NPAS3: variants seen among roughly 807,000 people sequenced by gnomAD.
NPAS3 encodes neuronal PAS domain-containing protein 3.
Under a neutral mutation model 73.1 loss-of-function variants are expected in NPAS3, and 14 were observed. The observed-to-expected ratio is 0.19, with a 90% CI of 0.13 to 0.30. The LOEUF is 0.30. Among genes scored for constraint, NPAS3 ranks in the 10% least tolerant of loss-of-function variants. NPAS3 has a pLI of 1.00. For synonymous variants in NPAS3, 620 were observed against 541.5 expected, an observed-to-expected ratio of 1.14 and a Z score of -2.01; for missense variants, 1,096 against 1,250.0, an observed-to-expected ratio of 0.88 and a Z score of 1.86.
intron 5 of NPAS3, among the ~76,000 whole-genome samples, chr14:33,650,770 G>A (rs966840958): frequency 1.3e-5 from 2 of 151,702 alleles, no homozygotes; most frequent in African/African-American, 4.9e-5. Context: ...CTCTCATTCT[G>A]TGCTGACTCC....
At chr14:33,684,328 A>G (rs964795229) in intron 6 of NPAS3, among the ~76,000 whole-genome samples, 1 of 148,676 alleles carries the variant, frequency 6.7e-6, no homozygotes, top group African/African-American at 2.5e-5. Flanking sequence ...TATTTTTTTG[A>G]GATGATGGAG....
At chr14:32,973,683 A>G (rs1449477902) in intron 1 of NPAS3, among the ~76,000 whole-genome samples, 4 of 151,800 alleles carry the variant, frequency 2.6e-5, no homozygotes, top group Non-Finnish European at 5.9e-5. Flanking sequence ...TTACAGGTGC[A>G]TGCTACCACG....
At chr14:33,440,248 A>G (rs1338835574) in intron 4 of NPAS3, among the ~76,000 whole-genome samples, 1 of 152,168 alleles carries the variant, frequency 6.6e-6, no homozygotes, top group Non-Finnish European at 1.5e-5. Context: ...TCCTGATTCA[A>G]GGTACTTGTC....
chr14:33,298,053 G>C (rs905512665), intron 3 of NPAS3, among the ~76,000 whole-genome samples: 13 of 152,112 alleles, frequency 8.5e-5, no homozygotes, highest in Admixed American at 8.5e-4. Context: ...AGGCCGAGGT[G>C]GGTGGATCAC....
chr14:33,098,839 G>A (rs748379259), intron 2 of NPAS3, among the ~76,000 whole-genome samples: 2 of 152,138 alleles, frequency 1.3e-5, no homozygotes, highest in South Asian at 4.1e-4. Flanking sequence ...TAAGAGTGGT[G>A]GGATATGAAA....
At position 33,082,210 on chromosome 14, in the gene NPAS3, A is replaced by G. The variant is rs1012692040; in HGVS notation, c.140+26216A>G. ...ACTCCCGTTTGTGCTCCTAGAAACA[A>G]TCACATTTATAAGACAATATTGGTT... On this transcript the variant is annotated intron_variant, in intron 2 of 11. Transcript: ENST00000356141. Among the ~76,000 whole-genome samples the G allele has an allele frequency of 3.7e-4, 57 of 152,166 alleles. 1 individual carries two copies. The highest frequency in any genetic ancestry group is 7.4e-5 in the Non-Finnish European group (5 of 68,026).
At chr14:33,386,416 CTT>C (rs1247139347) in intron 4 of NPAS3, among the ~76,000 whole-genome samples, 1 of 152,032 alleles carries the variant, frequency 6.6e-6, no homozygotes, top group African/African-American at 2.4e-5. Context: ...AGATTTATCT[CTT>C]GTTATTATCT....
chr14:33,040,821 G>T (rs893015210), intron 1 of NPAS3, among the ~76,000 whole-genome samples: 38 of 152,138 alleles, frequency 2.5e-4, no homozygotes, highest in Admixed American at 6.6e-5. Flanking sequence ...GCAGACTTAG[G>T]TAATTAAAAC....
intron 3 of NPAS3, among the ~76,000 whole-genome samples, chr14:33,365,717 A>T (rs376021463): frequency 6.6e-6 from 1 of 152,200 alleles, no homozygotes; most frequent in Non-Finnish European, 1.5e-5. Flanking sequence ...GCATTTTCAC[A>T]GTGCCTTGCA....
At chr14:33,748,664 G>A (rs993755340) in intron 7 of NPAS3, among the ~76,000 whole-genome samples, 2 of 152,226 alleles carry the variant, frequency 1.3e-5, no homozygotes, top group South Asian at 2.1e-4. Context: ...CTGCAATGTC[G>A]GACAAACAGC....
intron 2 of NPAS3, among the ~76,000 whole-genome samples, chr14:33,201,271 A>G (rs905835914): frequency 7.2e-5 from 10 of 138,262 alleles, no homozygotes; most frequent in African/African-American, 2.6e-4. Context: ...CTGTATATAA[A>G]ATTCACTCCC....
At position 32,949,042 on chromosome 14, in the gene NPAS3, G is replaced by A. The variant is rs186969925; in HGVS notation, c.50+9676G>A. Reference sequence around the variant, plus strand: ...TTTCTTTGAAAAAATTTTATACAGGGTAAGGCACAATGTTAACAGTTTAAC... The same window carrying A: ...TTTCTTTGAAAAAATTTTATACAGGATAAGGCACAATGTTAACAGTTTAAC... On this transcript the variant is annotated intron_variant, in intron 1 of 11. Transcript: ENST00000356141. Among the ~76,000 whole-genome samples, 50 of 152,132 alleles carry A rather than the reference G, an allele frequency of 3.3e-4. 2 individuals are homozygous for A. The East Asian group carries it at 4.6e-3, about 14-fold the overall frequency.
chr14:33,245,443 T>A (rs2048343090), intron 3 of NPAS3, among the ~76,000 whole-genome samples: 1 of 152,178 alleles, frequency 6.6e-6, no homozygotes, highest in Non-Finnish European at 1.5e-5. Context: ...GGTTCTGTCC[T>A]AACTTCTCTC....
intron 4 of NPAS3, among the ~76,000 whole-genome samples, chr14:33,464,141 T>G (rs917241797): frequency 5.3e-5 from 8 of 152,116 alleles, no homozygotes; most frequent in African/African-American, 1.9e-4. Context: ...CTGTCACACA[T>G]GAGAAAACTG....
chr14:33,330,626 A>T (rs1022718643), intron 3 of NPAS3, among the ~76,000 whole-genome samples: 3 of 152,228 alleles, frequency 2.0e-5, no homozygotes, highest in Admixed American at 6.5e-5. Context: ...ATAAAATAAG[A>T]CTAAAAATTA....
chr14:33,405,402 G>A (rs17101028), intron 4 of NPAS3, among the ~76,000 whole-genome samples: 6,335 of 152,160 alleles, frequency 0.042, 186 homozygotes, highest in East Asian at 0.14. Flanking sequence ...TAATTCACAA[G>A]TGGGTAATTC....
upstream of NPAS3, among the ~76,000 whole-genome samples, chr14:32,938,486 T>TGAGAGAGAGAGAGAAATTGAGAGAGA (rs1566779333): frequency 1.2e-3 from 68 of 55,886 alleles, no homozygotes; most frequent in Admixed American, 1.7e-3. Flanking sequence ...AGAGAGAAAT[T>TGAGAGAGAGAGAGAAATTGAGAGAGA]GAGAGAGAGA....
At chr14:33,039,603 G>C (rs1449047169) in intron 1 of NPAS3, among the ~76,000 whole-genome samples, 2 of 152,164 alleles carry the variant, frequency 1.3e-5, no homozygotes, top group Non-Finnish European at 2.9e-5. Flanking sequence ...CAACTTTCAT[G>C]CTGAACAGCA....
At chr14:33,472,970 A>G (rs2050854543) in intron 4 of NPAS3, among the ~76,000 whole-genome samples, 1 of 145,748 alleles carries the variant, frequency 6.9e-6, no homozygotes, top group South Asian at 2.1e-4. Context: ...CCAATCAAAC[A>G]GTAGTGGATC....
Sources: gnomAD v4.1 joint callset for allele counts (sites outside exome capture counted in the v4.1 genomes callset) on GRCh38, gnomAD v4.1.1 for gene constraint, MANE v1.5 for transcripts, NCBI Gene and HGNC (gene_info 2026-07-23, HGNC 2026-07-21) for gene names.